MICAL2: variants seen among roughly 807,000 people sequenced by gnomAD.
MICAL2 encodes microtubule associated monooxygenase, calponin and LIM domain containing 2.
In MICAL2, 77 loss-of-function variants were observed where a neutral mutation model predicts 127.3. That is an observed-to-expected ratio of 0.60 (90% CI 0.50 to 0.73). The LOEUF is 0.73. Among genes scored for constraint, MICAL2 ranks in the 30% least tolerant of loss-of-function variants. MICAL2 has a pLI of 0.00. For synonymous variants in MICAL2, 570 were observed against 551.1 expected (o/e 1.03, Z -0.48); for missense variants, 1,351 against 1,434.4 (o/e 0.94, Z 0.94).
At chr11:12,350,594 T>G (rs1939028439) in intron 33 of MICAL2, among the ~76,000 whole-genome samples, 1 of 152,194 alleles carries the variant, frequency 6.6e-6, no homozygotes, top group African/African-American at 2.4e-5. Context: ...TTTTAAGGGC[T>G]TTTGAAGGGG....
intron 29 of MICAL2, among the ~76,000 whole-genome samples, chr11:12,315,597 CAG>C (rs140191300): frequency 0.098 from 14,847 of 152,132 alleles, 957 homozygotes; most frequent in South Asian, 0.22. Context: ...CTCCTGTGGT[CAG>C]AGAACATGGT....
At chr11:12,268,540 G>A (rs1304906968), downstream of MICAL2, among the ~76,000 whole-genome samples, 1 of 152,192 alleles carries the variant, frequency 6.6e-6, no homozygotes, top group Non-Finnish European at 1.5e-5. Flanking sequence ...AACCTGGGCT[G>A]GAGGGTGCGG....
intron 3 of MICAL2, among the ~76,000 whole-genome samples, chr11:12,166,944 G>T (rs1343333595): frequency 1.3e-5 from 2 of 152,150 alleles, no homozygotes; most frequent in Non-Finnish European, 2.9e-5. Flanking sequence ...GGGAAAGGAG[G>T]AGTGTGTGGG....
At chr11:12,130,070 A>G (rs1374239740) in intron 1 of MICAL2, among the ~76,000 whole-genome samples, 3 of 152,168 alleles carry the variant, frequency 2.0e-5, no homozygotes, top group Non-Finnish European at 2.9e-5. Flanking sequence ...AACTAAGCAC[A>G]TGGTGATGGC....
chr11:12,165,589 T>C (rs948796189), intron 3 of MICAL2, among the ~76,000 whole-genome samples: 1 of 152,236 alleles, frequency 6.6e-6, no homozygotes, highest in Non-Finnish European at 1.5e-5. Flanking sequence ...CCCCGACCTT[T>C]GTGCTAAAGT....
At chr11:12,135,013 G>A (rs532297409) in intron 1 of MICAL2, among the ~76,000 whole-genome samples, 7 of 152,100 alleles carry the variant, frequency 4.6e-5, no homozygotes, top group East Asian at 1.9e-4. Context: ...CAGCCCTGCC[G>A]CCAACCTAAG....
chr11:12,268,259 C>T (rs1863630653), downstream of MICAL2, among the ~76,000 whole-genome samples: 2 of 152,196 alleles, frequency 1.3e-5, no homozygotes, highest in South Asian at 4.1e-4. Context: ...ATTTTGCCTT[C>T]TGAGGGGCAT....
At chr11:12,360,943 A>G (rs1395477172), downstream of MICAL2, among the ~76,000 whole-genome samples, 1 of 152,200 alleles carries the variant, frequency 6.6e-6, no homozygotes, top group Non-Finnish European at 1.5e-5. Context: ...AAATGATTCC[A>G]TTCCTTATTT....
chr11:12,350,666 C>T (rs1326685896), intron 33 of MICAL2, among the ~76,000 whole-genome samples: 1 of 152,042 alleles, frequency 6.6e-6, no homozygotes, highest in Non-Finnish European at 1.5e-5. Flanking sequence ...ATAAGACAAC[C>T]AAGTCAATAG....
At chr11:12,288,478 G>A (rs1863854755), downstream of MICAL2, among the ~76,000 whole-genome samples, 1 of 152,210 alleles carries the variant, frequency 6.6e-6, no homozygotes, top group African/African-American at 2.4e-5. Flanking sequence ...GGGAGGTGCA[G>A]GAGCAAGAGG....
chr11:12,239,389 C>G, intron 16 of MICAL2, 47 bp from the exon 17 acceptor site: 1 of 1,612,344 alleles, frequency 6.2e-7, no homozygotes, highest in South Asian at 1.1e-5. Flanking sequence ...TTTCTGATAT[C>G]CAGATTCCAG....
At chr11:12,240,908 G>C in intron 17 of MICAL2, 132 bp from the exon 18 acceptor site, 2 of 1,219,486 alleles carry the variant, frequency 1.6e-6, no homozygotes, top group South Asian at 1.5e-5. Context: ...GCTCAGCCCA[G>C]TGCTTCCTCT....
chr11:12,307,431 A>G (rs1864125565), intron 29 of MICAL2, among the ~76,000 whole-genome samples: 1 of 152,202 alleles, frequency 6.6e-6, no homozygotes, highest in Non-Finnish European at 1.5e-5. Flanking sequence ...TTTTAATACG[A>G]TGAAGTCAAA....
At chr11:12,133,505 C>A (rs1851593446) in intron 1 of MICAL2, among the ~76,000 whole-genome samples, 1 of 152,016 alleles carries the variant, frequency 6.6e-6, no homozygotes, top group African/African-American at 2.4e-5. Flanking sequence ...GGGTGCTGGT[C>A]CAGAAAGTAG....
At chr11:12,352,229 C>T (rs1046202186) in intron 33 of MICAL2, among the ~76,000 whole-genome samples, 7 of 152,302 alleles carry the variant, frequency 4.6e-5, no homozygotes, top group South Asian at 4.1e-4. Flanking sequence ...ATTGTAAAAA[C>T]GTAAAAATTA....
intron 3 of MICAL2, among the ~76,000 whole-genome samples, chr11:12,181,914 C>T (rs7104778): frequency 0.61 from 92,929 of 152,022 alleles, 28,554 homozygotes; most frequent in South Asian, 0.71. Flanking sequence ...CTAACTGAAA[C>T]GTAATATATT....
At chr11:12,165,152 A>G (rs1855337810) in intron 3 of MICAL2, among the ~76,000 whole-genome samples, 2 of 115,340 alleles carry the variant, frequency 1.7e-5, no homozygotes, top group African/African-American at 7.0e-5. Flanking sequence ...AAAAAAAAAA[A>G]AAAGAAAAGA....
chr11:12,242,160 G>T (rs1860057910), intron 18 of MICAL2, 54 bp from the exon 19 acceptor site: 1 of 1,432,294 alleles, frequency 7.0e-7, no homozygotes. Context: ...TCATGGTGAG[G>T]GTGTATGAAA....
chr11:12,268,793 A>G (rs186745292), intron 24 of MICAL2, among the ~76,000 whole-genome samples: 22 of 151,838 alleles, frequency 1.4e-4, no homozygotes, highest in Non-Finnish European at 2.6e-4. Flanking sequence ...GATCGAGACC[A>G]TCCTGGCTAA....
Sources: allele counts gnomAD v4.1 joint callset (sites outside exome capture counted in the v4.1 genomes callset), GRCh38; gene constraint gnomAD v4.1.1; transcripts MANE v1.5; gene names NCBI Gene and HGNC (gene_info 2026-07-23, HGNC 2026-07-21).